The following MTUS2 variants were observed in gnomAD, a reference collection of about 807,000 sequenced individuals.
The protein encoded by MTUS2 is microtubule-associated tumor suppressor candidate 2.
Under a neutral mutation model 114.1 loss-of-function variants are expected in MTUS2, and 40 were observed. The observed-to-expected ratio is 0.35, with a 90% CI of 0.27 to 0.46. MTUS2 has a LOEUF of 0.46. Ranked by LOEUF, MTUS2 falls within the 20% of genes least tolerant of loss-of-function variation. The pLI, the probability that MTUS2 is intolerant of heterozygous loss-of-function variation, is 1.00. For synonymous variants in MTUS2, 688 were observed against 672.0 expected (o/e 1.02, Z -0.37); for missense variants, 1,679 against 1,705.4 (o/e 0.98, Z 0.27).
chr13:29,098,426 T>C (rs961827926), intron 4 of MTUS2, among the ~76,000 whole-genome samples: 1 of 149,982 alleles, frequency 6.7e-6, no homozygotes. Flanking sequence ...TGGGGCAAGG[T>C]ATACTTTTGC....
At chr13:29,096,681 T>C (rs1250216035) in intron 4 of MTUS2, among the ~76,000 whole-genome samples, 1 of 152,198 alleles carries the variant, frequency 6.6e-6, no homozygotes, top group Non-Finnish European at 1.5e-5. Flanking sequence ...ACTCTGGAGA[T>C]CTCTGTTCTT....
At chr13:28,905,997 C>A (rs749931590) in intron 2 of MTUS2, among the ~76,000 whole-genome samples, 7 of 151,496 alleles carry the variant, frequency 4.6e-5, no homozygotes, top group Admixed American at 4.6e-4. Flanking sequence ...GTGTATGTGT[C>A]GAGGAATTTA....
At chr13:29,204,588 G>T (rs922248692) in intron 5 of MTUS2, among the ~76,000 whole-genome samples, 1 of 152,226 alleles carries the variant, frequency 6.6e-6, no homozygotes. Context: ...TGACTTTGCA[G>T]CCATCCTTAA....
At chr13:29,080,324 C>G (rs1033076090) in intron 4 of MTUS2, among the ~76,000 whole-genome samples, 4 of 152,096 alleles carry the variant, frequency 2.6e-5, no homozygotes, top group African/African-American at 9.7e-5. Context: ...AACTACTCTA[C>G]TTTGGTTCTT....
chr13:29,198,913 A>T (rs996615400), intron 5 of MTUS2, among the ~76,000 whole-genome samples: 3 of 152,036 alleles, frequency 2.0e-5, no homozygotes, highest in African/African-American at 7.2e-5. Context: ...TTGCACATTG[A>T]TTATGTATCC....
intron 7 of MTUS2, among the ~76,000 whole-genome samples, chr13:29,354,657 G>A (rs918533805): frequency 1.3e-5 from 2 of 152,126 alleles, no homozygotes; most frequent in Non-Finnish European, 2.9e-5. Context: ...GCCTGGTGCT[G>A]CCCAAATTTG....
intron 2 of MTUS2, among the ~76,000 whole-genome samples, chr13:28,882,499 G>T (rs1878351846): frequency 6.6e-6 from 1 of 152,146 alleles, no homozygotes; most frequent in Non-Finnish European, 1.5e-5. Flanking sequence ...CAACTCAGGG[G>T]CTGGGGTGGG....
At position 29,452,842 on chromosome 13, in the gene MTUS2, G is replaced by T. The variant is rs535059170; in HGVS notation, c.3184+12793G>T. Among the ~76,000 whole-genome samples the T allele has an allele frequency of 2.3e-3, 355 of 152,182 alleles. 2 individuals carry two copies. Among genetic ancestry groups the T allele is most frequent in the African/African-American group, 8.3e-3 (346 of 41,500 alleles). Reference sequence around the variant, plus strand: ...CAAGGGCAACCCCTAAGTCACCCTGGGGACAAGCAGCTTCTGGAAACAGAG... The same window carrying T: ...CAAGGGCAACCCCTAAGTCACCCTGTGGACAAGCAGCTTCTGGAAACAGAG... On this transcript the variant is annotated intron_variant, in intron 9 of 15. Coordinates refer to ENST00000612955, the MANE Select transcript of MTUS2 (RefSeq NM_001033602.4).
chr13:29,381,140 G>A (rs372344580), intron 8 of MTUS2, among the ~76,000 whole-genome samples: 181 of 152,282 alleles, frequency 1.2e-3, no homozygotes, highest in African/African-American at 4.2e-3. Flanking sequence ...CTACAGCTGG[G>A]CTCTCAGGGG....
At chr13:29,309,540 C>T (rs1366380358) in intron 6 of MTUS2, among the ~76,000 whole-genome samples, 2 of 150,342 alleles carry the variant, frequency 1.3e-5, no homozygotes, top group East Asian at 3.9e-4. Flanking sequence ...ATATGTTTAC[C>T]TATGTAACAA....
At chr13:29,079,185 A>G (rs1001214142) in intron 4 of MTUS2, among the ~76,000 whole-genome samples, 2 of 151,994 alleles carry the variant, frequency 1.3e-5, no homozygotes, top group African/African-American at 4.8e-5. Context: ...AATGCTGTGC[A>G]TTTTGTCATG....
chr13:29,433,338 G>A (rs1447055813), intron 8 of MTUS2, among the ~76,000 whole-genome samples: 1 of 152,202 alleles, frequency 6.6e-6, no homozygotes, highest in South Asian at 2.1e-4. Flanking sequence ...ACACTGAAAT[G>A]TATTGAAGAG....
At chr13:29,350,960 C>CATTCATATATATATATATATAT (rs1869190595) in intron 7 of MTUS2, among the ~76,000 whole-genome samples, 1 of 128,576 alleles carries the variant, frequency 7.8e-6, no homozygotes, top group Admixed American at 7.6e-5. Context: ...ATATATATTT[C>CATTCATATATATATATATATAT]ATATATATAT....
chr13:29,028,848 A>G (rs1330126761), intron 3 of MTUS2, among the ~76,000 whole-genome samples: 1 of 152,164 alleles, frequency 6.6e-6, no homozygotes, highest in Non-Finnish European at 1.5e-5. Flanking sequence ...GTTGAGTGAT[A>G]ACTGAATCAT....
At chr13:28,873,786 AT>A (rs1388307080) in intron 2 of MTUS2, among the ~76,000 whole-genome samples, 2 of 152,224 alleles carry the variant, frequency 1.3e-5, no homozygotes, top group African/African-American at 4.8e-5. Flanking sequence ...CAGAGTGGAC[AT>A]TTAATAGACA....
At position 29,317,500 on chromosome 13, in the gene MTUS2, G is replaced by A. The variant is rs1410489327; in HGVS notation, c.2807-7113G>A. Among the ~76,000 whole-genome samples, 4 of 11,490 alleles carry A rather than the reference G, an allele frequency of 3.5e-4. 1 individual carries two copies. Among genetic ancestry groups the A allele is most frequent in the Non-Finnish European group, 9.7e-4 (4 of 4,112 alleles). The allele number at this position is 11,490 out of a possible 152,430, so 7.5% of individuals were successfully genotyped here. A position where few individuals can be genotyped will look rare whatever the true frequency, so the allele number is the denominator to read the frequency against. On this transcript the variant is annotated intron_variant, in intron 6 of 15. Transcript: ENST00000612955. ...AGGCCGGACTGCGGACTGCAGTGGC[G>A]CAATCTCGGCTCACTGCAAGCTCCG...
intron 5 of MTUS2, among the ~76,000 whole-genome samples, chr13:29,240,529 A>T (rs533498209): frequency 6.6e-6 from 1 of 152,318 alleles, no homozygotes; most frequent in South Asian, 2.1e-4. Context: ...TGCTATTTCA[A>T]TTGCCTTCAC....
intron 6 of MTUS2, 72 bp from the exon 7 acceptor site, chr13:29,324,541 C>A: frequency 8.5e-7 from 1 of 1,182,158 alleles, no homozygotes; most frequent in Non-Finnish European, 1.2e-6. Flanking sequence ...CCACCCTTTC[C>A]ACAACTTATG....
At chr13:29,001,405 C>T (rs1415428563) in intron 2 of MTUS2, among the ~76,000 whole-genome samples, 1 of 151,992 alleles carries the variant, frequency 6.6e-6, no homozygotes, top group Non-Finnish European at 1.5e-5. Flanking sequence ...TAAAAAGATA[C>T]CTGACAGAAC....
Sources: gnomAD v4.1 joint callset for allele counts (sites outside exome capture counted in the v4.1 genomes callset) on GRCh38, gnomAD v4.1.1 for gene constraint, MANE v1.5 for transcripts, NCBI Gene and HGNC (gene_info 2026-07-23, HGNC 2026-07-21) for gene names.